Variants in ATP8A2 observed in about 807,000 individuals in gnomAD.
The protein encoded by ATP8A2 is ATPase phospholipid transporting 8A2.
ATP8A2 carries 100 observed loss-of-function variants against 165.6 expected under a neutral mutation model. The ratio of observed to expected loss-of-function variants is 0.60; its 90% CI spans 0.51 to 0.71. ATP8A2 has a LOEUF of 0.71. Ranked by LOEUF, ATP8A2 falls within the 30% of genes least tolerant of loss-of-function variation. The probability of loss-of-function intolerance (pLI) is 0.00; values close to 1 mark genes in which losing one functional copy is unlikely to be tolerated. For missense variants in ATP8A2, 1,227 were observed against 1,479.5 expected (o/e 0.83, Z 2.80); for synonymous variants, 543 against 548.8 (o/e 0.99, Z 0.15).
At position 25,372,413 on chromosome 13, in the gene ATP8A2, C is replaced by T. The variant is rs9581323; in HGVS notation, c.76+125C>T. The T allele has an allele frequency of 5.9e-6, 4 of 677,708 alleles. No individual in the cohort carries two copies. The highest frequency in any genetic ancestry group is 1.9e-5 in the African/African-American group (1 of 52,008). The allele number at this position is 677,708 out of a possible 1,614,324, so 42.0% of individuals were successfully genotyped here. On this transcript the variant is annotated intron_variant, in intron 1 of 36. Transcript: ENST00000381655. This position sits in a 1 kb window ranked among gnomAD's most constrained non-coding sequence, Gnocchi z 4.8. ...CCCCTCCCTGGGCTCCCTGGGCTCT[C>T]TGGGCTGCAGGATCCGCCGACGCGG...
chr13:25,916,992 C>T (rs1329959164), intron 33 of ATP8A2, among the ~76,000 whole-genome samples: 1 of 152,146 alleles, frequency 6.6e-6, no homozygotes, highest in Non-Finnish European at 1.5e-5. Context: ...CTGGCACCAA[C>T]ATCCTTATCA....
intron 19 of ATP8A2, 81 bp downstream of exon 19, chr13:25,574,938 G>C: frequency 5.3e-6 from 4 of 751,400 alleles, no homozygotes; most frequent in African/African-American, 1.8e-5. Flanking sequence ...ATGATTGTAT[G>C]GTATGATTCA....
chr13:25,519,955 G>A (rs1276715287), intron 2 of ATP8A2, among the ~76,000 whole-genome samples: 1 of 152,080 alleles, frequency 6.6e-6, no homozygotes, highest in Non-Finnish European at 1.5e-5. Flanking sequence ...ATATTTTAAA[G>A]GTACATGTAA....
intron 33 of ATP8A2, among the ~76,000 whole-genome samples, chr13:25,889,807 T>G (rs771120345): frequency 6.6e-6 from 1 of 152,172 alleles, no homozygotes; most frequent in Non-Finnish European, 1.5e-5. Context: ...TTAAATGTAA[T>G]TGGTCTGAAG....
In ATP8A2 at chr13:25,518,399, C is replaced by T. The variant is rs1018037706; in HGVS notation, c.222-11600C>T. 3.9e-5 allele frequency among the ~76,000 whole-genome samples: 6 copies of T among 152,294 alleles called. No individual in the cohort carries two copies. The South Asian group carries it at 6.2e-4, about 16-fold the overall frequency. On this transcript the variant is annotated intron_variant, in intron 2 of 36. Coordinates refer to ENST00000381655, the MANE Select transcript of ATP8A2 (RefSeq NM_016529.6). Reference sequence around the variant, plus strand: ...CTTTATTCTTTCAGTAAATATTGAACGCTTACTGTATGTTGGGAAGATATA... The same window carrying T: ...CTTTATTCTTTCAGTAAATATTGAATGCTTACTGTATGTTGGGAAGATATA...
At chr13:25,441,408 A>T (rs1470119651) in intron 1 of ATP8A2, among the ~76,000 whole-genome samples, 2 of 152,166 alleles carry the variant, frequency 1.3e-5, no homozygotes, top group Non-Finnish European at 2.9e-5. Context: ...AATGTCACAG[A>T]CTTGAGCACA....
intron 1 of ATP8A2, among the ~76,000 whole-genome samples, chr13:25,379,655 T>C (rs142018723): frequency 4.0e-4 from 61 of 152,374 alleles, no homozygotes; most frequent in Admixed American, 1.4e-3. Flanking sequence ...GCAGAATTTT[T>C]GTTTTTAACC....
intron 1 of ATP8A2, among the ~76,000 whole-genome samples, chr13:25,450,738 A>G (rs1271684940): frequency 2.0e-5 from 3 of 151,964 alleles, no homozygotes; most frequent in Admixed American, 1.3e-4. Flanking sequence ...TCACCATGTT[A>G]GCCAGGATGG....
At chr13:25,636,583 A>AGAT (rs2041372906) in intron 24 of ATP8A2, among the ~76,000 whole-genome samples, 1 of 152,182 alleles carries the variant, frequency 6.6e-6, no homozygotes. Context: ...GACACAAAAC[A>AGAT]GATATGACAA....
chr13:25,487,050 C>T (rs889504290), intron 2 of ATP8A2, among the ~76,000 whole-genome samples: 8 of 152,242 alleles, frequency 5.3e-5, no homozygotes, highest in African/African-American at 9.6e-5. Flanking sequence ...GTATTATCTG[C>T]TTAGTAAGAC....
intron 33 of ATP8A2, among the ~76,000 whole-genome samples, chr13:25,899,795 A>G (rs536988917): frequency 4.4e-4 from 67 of 152,328 alleles, no homozygotes; most frequent in African/African-American, 1.5e-3. Flanking sequence ...TTTCCTGCAG[A>G]TGGGATGGAG....
chr13:25,643,035 G>A (rs889524559), intron 24 of ATP8A2, among the ~76,000 whole-genome samples: 8 of 152,134 alleles, frequency 5.3e-5, no homozygotes, highest in Admixed American at 4.6e-4. Flanking sequence ...GACACAGGAA[G>A]GGGAACATCA....
Position 25,543,329 on chromosome 13 carries a change from G to T in ATP8A2, c.818G>T (p.Gly273Val). ...GGGCCTGACCAGATCTTATTAAGAG[G>T]TACACAGCTTAGAAATACTCAGTGG... ...ALGPDQILLRGTQLRNTQWVF... is the reference protein window; with the variant it reads ...ALGPDQILLRVTQLRNTQWVF... The change falls in exon 10 of 37, where the codon GGT (glycine) becomes GTT (valine). Residue 273 changes from glycine (G) to valine (V), a missense_variant. Physicochemically the swap from Gly to Val is moderately radical, Grantham distance 109. Transcript: ENST00000381655. 1 of 1,613,104 alleles carries T rather than the reference G, an allele frequency of 6.2e-7. No individual in the cohort carries two copies. The highest frequency in any genetic ancestry group is 1.1e-5 in the South Asian group (1 of 90,970).
intron 35 of ATP8A2, among the ~76,000 whole-genome samples, chr13:25,981,410 G>A (rs3783142): frequency 0.14 from 21,732 of 152,176 alleles, 2,427 homozygotes; most frequent in East Asian, 0.54. Context: ...GAATAGGCTA[G>A]TTGCCAGTAT....
chr13:25,711,964 G>A (rs990171581), intron 25 of ATP8A2, among the ~76,000 whole-genome samples: 10 of 152,092 alleles, frequency 6.6e-5, no homozygotes, highest in African/African-American at 2.4e-4. Flanking sequence ...CACTTCTGGT[G>A]CAGGTAGGAT....
intron 25 of ATP8A2, among the ~76,000 whole-genome samples, chr13:25,731,508 A>G (rs1200301686): frequency 6.7e-6 from 1 of 148,598 alleles, no homozygotes; most frequent in African/African-American, 2.4e-5. Context: ...TCTCTTCCCA[A>G]ACACTTTTGG....
At chr13:25,569,029 A>G (rs1380409108) in intron 16 of ATP8A2, among the ~76,000 whole-genome samples, 1 of 152,216 alleles carries the variant, frequency 6.6e-6, no homozygotes, top group Non-Finnish European at 1.5e-5. Flanking sequence ...ACTCTTAGAA[A>G]ATATCTCACT....
At chr13:25,991,914 T>G (rs1956404366) in intron 35 of ATP8A2, among the ~76,000 whole-genome samples, 1 of 151,562 alleles carries the variant, frequency 6.6e-6, no homozygotes, top group African/African-American at 2.4e-5. Context: ...CTTTTAGGTT[T>G]TTTTTTTTTT....
intron 33 of ATP8A2, among the ~76,000 whole-genome samples, chr13:25,916,747 G>A (rs1954278825): frequency 6.6e-6 from 1 of 152,080 alleles, no homozygotes; most frequent in Admixed American, 6.6e-5. Context: ...CATCATTTTT[G>A]TTTTGCTGCA....
Sources: allele counts gnomAD v4.1 joint callset (sites outside exome capture counted in the v4.1 genomes callset), GRCh38; gene constraint gnomAD v4.1.1; non-coding constraint Gnocchi (gnomAD v3.1); transcripts MANE v1.5; gene names NCBI Gene and HGNC (gene_info 2026-07-23, HGNC 2026-07-21).